The following SORBS3 variants were observed in gnomAD, a reference collection of about 807,000 sequenced individuals.
SORBS3 encodes vinexin.
In SORBS3, 69 loss-of-function variants were observed where a neutral mutation model predicts 98.0. The observed-to-expected ratio is 0.70, with a 90% CI of 0.58 to 0.86. The LOEUF is 0.86. SORBS3 is among the 40% of genes least tolerant of loss of function. SORBS3 has a pLI of 0.00. For synonymous variants in SORBS3, 394 were observed against 355.4 expected, an observed-to-expected ratio of 1.11 and a Z score of -1.22; for missense variants, 954 against 908.5, an observed-to-expected ratio of 1.05 and a Z score of -0.64.
chr8:22,563,363 G>T (rs1840335752), intron 7 of SORBS3, among the ~76,000 whole-genome samples: 1 of 152,242 alleles, frequency 6.6e-6, no homozygotes, highest in South Asian at 2.1e-4. Context: ...AGCTAAGGCA[G>T]ATGTGTCCAT....
At chr8:22,564,169 T>C in intron 8 of SORBS3, 92 bp downstream of exon 8, 1 of 1,500,840 alleles carries the variant, frequency 6.7e-7, no homozygotes, top group Non-Finnish European at 9.2e-7. Context: ...TTGAATCCCT[T>C]GGAGGACACC....
chr8:22,568,659 G>T (rs988972871), intron 16 of SORBS3, among the ~76,000 whole-genome samples: 6 of 152,208 alleles, frequency 3.9e-5, no homozygotes, highest in Admixed American at 1.3e-4. Flanking sequence ...TTTATGGGCA[G>T]AGTGAAGCAA....
At position 22,567,085 on chromosome 8, in the gene SORBS3, C is replaced by T; in HGVS notation, c.1215C>T (p.Asp405=). 6.2e-7 allele frequency: 1 copy of T among 1,613,236 alleles called. No individual in the cohort carries two copies. Among genetic ancestry groups the T allele is most frequent in the South Asian group, 1.1e-5 (1 of 91,062 alleles). ...GGGAGCTGACTCTGCAGAAGGGTGA[C>T]ATTGTCTACATCCACAAGGAGGTGG... ...SPKELTLQKG[D]IVYIHKEVDK... The change falls in exon 16 of 21, where the codon GAC becomes GAT. Residue 405 remains aspartate (D), a synonymous_variant. Transcript: ENST00000240123.
intron 20 of SORBS3, among the ~76,000 whole-genome samples, chr8:22,572,877 G>A (rs919409499): frequency 6.6e-6 from 1 of 152,184 alleles, no homozygotes; most frequent in East Asian, 1.9e-4. Context: ...AGCCCCTCAG[G>A]GCTGGCCCAA....
intron 14 of SORBS3, 42 bp from the exon 15 acceptor site, chr8:22,566,780 C>T (rs1300987418): frequency 9.9e-6 from 16 of 1,613,714 alleles, no homozygotes; most frequent in South Asian, 4.4e-5. Flanking sequence ...ATCTGCCACC[C>T]GCCCAACTGA....
In SORBS3 at chr8:22,554,556, T is replaced by C; in HGVS notation, c.50T>C (p.Phe17Ser). The C allele has an allele frequency of 6.2e-7, 1 of 1,612,898 alleles. No individual in the cohort carries two copies. The change falls in exon 2 of 21, where the codon TTC (phenylalanine) becomes TCC (serine). Residue 17 changes from phenylalanine (F) to serine (S), a missense_variant. Coordinates refer to ENST00000240123, the MANE Select transcript of SORBS3 (RefSeq NM_005775.5). This position sits in a 1 kb window ranked among gnomAD's most constrained non-coding sequence, Gnocchi z 6.5. Reference sequence around the variant, plus strand: ...CGCGCTGGGCTCAGCCTGGACGACTTCATCCCTGGCCACCTCCAGTCCCAC... The same window carrying C: ...CGCGCTGGGCTCAGCCTGGACGACTCCATCCCTGGCCACCTCCAGTCCCAC... The part of the protein sequence containing the change: ...SLRAGLSLDD[F>S]IPGHLQSHIG...
chr8:22,559,413 T>C (rs550228341), intron 5 of SORBS3, among the ~76,000 whole-genome samples: 39 of 152,232 alleles, frequency 2.6e-4, no homozygotes, highest in African/African-American at 9.4e-4. Context: ...AGGAGTAGCA[T>C]TCACAGGCCG....
At chr8:22,552,251 C>T (rs1000039262) in intron 1 of SORBS3, among the ~76,000 whole-genome samples, 1 of 152,188 alleles carries the variant, frequency 6.6e-6, no homozygotes, top group Non-Finnish European at 1.5e-5. Flanking sequence ...GCCAGGCACC[C>T]AAGGTCAGGG....
At position 22,571,732 on chromosome 8, in the gene SORBS3, TG is replaced by T. The variant is rs1840591169; in HGVS notation, c.1760del (p.Gly587ValfsTer143). 6 of 1,613,766 alleles carry T rather than the reference TG, an allele frequency of 3.7e-6. No individual in the cohort carries two copies. Among genetic ancestry groups the T allele is most frequent in the Non-Finnish European group, 5.1e-6 (6 of 1,179,728 alleles). Reference sequence around the variant, plus strand: ...TCAACTCCCAGAATCTTGGCACCCCTGGTCCAGCTCTGTCCCACTCTCGAGG... The same window carrying T: ...TCAACTCCCAGAATCTTGGCACCCCTGTCCAGCTCTGTCCCACTCTCGAGG... ...RPQTQNLGTP[G>X]PALSHSRGPS... On this transcript the variant is annotated frameshift_variant, in exon 19 of 21. Transcript: ENST00000240123. LOFTEE classifies it high-confidence loss of function.
Position 22,574,657 on chromosome 8 carries a change from C to T in SORBS3, c.1955-10C>T. 6.2e-7 allele frequency: 1 copy of T among 1,612,854 alleles called. No homozygotes were observed. The highest frequency in any genetic ancestry group is 1.7e-5 in the Admixed American group (1 of 59,686). On this transcript the variant is annotated splice_polypyrimidine_tract_variant and intron_variant, in intron 20 of 20. Coordinates refer to ENST00000240123, the MANE Select transcript of SORBS3 (RefSeq NM_005775.5). ...AGTGGGGAAAGCTCTTCCTGCCTTT[C>T]CTCTTTCAGGTGTCTCCCGGAGGAC... is the stretch of plus-strand genomic sequence containing the variant.
At chr8:22,550,862 G>C (rs1238094861), upstream of SORBS3, among the ~76,000 whole-genome samples, 2 of 152,216 alleles carry the variant, frequency 1.3e-5, no homozygotes, top group Non-Finnish European at 2.9e-5. Context: ...TGGGGCTTGG[G>C]GATCCCTGAG....
At chr8:22,552,370 G>C (rs923465031) in intron 1 of SORBS3, among the ~76,000 whole-genome samples, 2 of 152,240 alleles carry the variant, frequency 1.3e-5, no homozygotes, top group African/African-American at 4.8e-5. Context: ...CTGGAGGGGA[G>C]GTCTGAATTC....
intron 12 of SORBS3, 81 bp downstream of exon 12, chr8:22,565,953 C>A: frequency 1.0e-6 from 1 of 979,696 alleles, no homozygotes; most frequent in Non-Finnish European, 1.3e-6. Flanking sequence ...GCGGGGCGGA[C>A]GGGGGCGATC....
intron 4 of SORBS3, 119 bp downstream of exon 4, chr8:22,557,027 A>T: frequency 8.7e-7 from 1 of 1,153,388 alleles, no homozygotes; most frequent in African/African-American, 1.5e-5. Context: ...ATCCCAGATT[A>T]AGCAGGGGTT....
chr8:22,575,033 C>A lies in SORBS3; in HGVS notation c.*305C>A. 1.8e-6 allele frequency: 1 copy of A among 552,666 alleles called. No individual in the cohort carries two copies. Among genetic ancestry groups the A allele is most frequent in the Non-Finnish European group, 3.4e-6 (1 of 290,804 alleles). The allele number at this position is 552,666 out of a possible 1,614,324, so 34.2% of individuals were successfully genotyped here. On this transcript the variant is annotated 3_prime_UTR_variant, in exon 21 of 21. Transcript: ENST00000240123. ...TTATTGAGACCAGACCCCAAGTCCC[C>A]CACCCCCATCCTGCTCCAGCGTTTC...
chr8:22,574,988 G>A lies in SORBS3; in HGVS notation c.*260G>A, dbSNP rs2117318635. 1.6e-6 allele frequency: 1 copy of A among 641,170 alleles called. No individual in the cohort carries two copies. The highest frequency in any genetic ancestry group is 3.1e-5 in the East Asian group (1 of 31,920). 39.7% of individuals were successfully genotyped at this position (641,170 alleles called of 1,614,324 possible). ...CCCAAATACAGAGGTCTGCTTTGAAGCGGAGACCATTTCCAGGCCTTATTG... is the reference window on the plus strand; with the variant it reads ...CCCAAATACAGAGGTCTGCTTTGAAACGGAGACCATTTCCAGGCCTTATTG... On this transcript the variant is annotated 3_prime_UTR_variant, in exon 21 of 21. Coordinates refer to ENST00000240123, the MANE Select transcript of SORBS3 (RefSeq NM_005775.5).
Position 22,554,912 on chromosome 8 carries a change from A to G in SORBS3, c.152A>G (p.His51Arg). 3 of 1,613,290 alleles carry G rather than the reference A, an allele frequency of 1.9e-6. No individual in the cohort carries two copies. The East Asian group carries it at 6.7e-5, about 36-fold the overall frequency. Reference sequence around the variant, plus strand: ...TCCAACACCCTTAATTTCCAGTTCCACGACCCCGCGCCCAGGACTGTGTGC... The same window carrying G: ...TCCAACACCCTTAATTTCCAGTTCCGCGACCCCGCGCCCAGGACTGTGTGC... ...GGSNTLNFQF[H>R]DPAPRTVCNG... Residue 51 changes from histidine (H) to arginine (R), a missense_variant, in exon 3 of 21, where the codon CAC becomes CGC. By Grantham distance (29) the His-to-Arg change is conservative. Coordinates refer to ENST00000240123, the MANE Select transcript of SORBS3 (RefSeq NM_005775.5). This position sits in a 1 kb window ranked among gnomAD's most constrained non-coding sequence, Gnocchi z 6.5.
At chr8:22,548,076 A>G (rs1297078412), upstream of SORBS3, among the ~76,000 whole-genome samples, 1 of 152,028 alleles carries the variant, frequency 6.6e-6, no homozygotes, top group Non-Finnish European at 1.5e-5. Context: ...AGGCCCCAAT[A>G]CCCATCATAC....
chr8:22,553,946 G>A (rs543886438), intron 1 of SORBS3, among the ~76,000 whole-genome samples: 1 of 152,350 alleles, frequency 6.6e-6, no homozygotes, highest in Non-Finnish European at 1.5e-5. Flanking sequence ...AGGCCCTGCT[G>A]ACTGCTTCCT....
Sources: allele counts gnomAD v4.1 joint callset (sites outside exome capture counted in the v4.1 genomes callset), GRCh38; gene constraint gnomAD v4.1.1; non-coding constraint Gnocchi (gnomAD v3.1); transcripts MANE v1.5; gene names NCBI Gene and HGNC (gene_info 2026-07-23, HGNC 2026-07-21).